CSMD1: variants seen among roughly 807,000 people sequenced by gnomAD.
The protein encoded by CSMD1 is CUB and sushi domain-containing protein 1.
CSMD1 carries 213 observed loss-of-function variants against 417.5 expected under a neutral mutation model. The observed-to-expected ratio is 0.51, with a 90% CI of 0.46 to 0.57. The LOEUF (loss-of-function observed/expected upper bound fraction) is 0.57. Among genes scored for constraint, CSMD1 ranks in the 20% least tolerant of loss-of-function variants. The pLI is 0.00. For synonymous variants in CSMD1, 2,862 were observed against 1,736.8 expected (o/e 1.65, Z -16.11); for missense variants, 6,923 against 4,529.7 (o/e 1.53, Z -15.17).
rs543879326 is a variant in CSMD1 at position 3,271,506 on chromosome 8, T to G, written c.4153+12638A>C. On this transcript the variant is annotated intron_variant, in intron 26 of 69. Coordinates refer to ENST00000635120, the MANE Select transcript of CSMD1 (RefSeq NM_033225.6). ...CTAGATCCCTGACGAATGTCCACAC[T>G]GACTTCCACAATGGTTGAACTAGTT... 1.2e-3 allele frequency among the ~76,000 whole-genome samples: 173 copies of G among 147,710 alleles called. 1 individual carries two copies. Among genetic ancestry groups the G allele is most frequent in the Non-Finnish European group, 2.0e-3 (137 of 67,040 alleles).
intron 29 of CSMD1, among the ~76,000 whole-genome samples, chr8:3,215,143 C>T (rs968885160): frequency 7.9e-5 from 12 of 152,148 alleles, no homozygotes; most frequent in African/African-American, 2.7e-4. Context: ...TTTGGCTTCT[C>T]AAAATGAAAC....
chr8:3,175,013 G>C (rs756878289), intron 37 of CSMD1, among the ~76,000 whole-genome samples: 1 of 151,984 alleles, frequency 6.6e-6, no homozygotes, highest in Non-Finnish European at 1.5e-5. Context: ...ACTTAATCAG[G>C]TATAAGTTTT....
At chr8:2,980,732 C>T (rs1048812243) in intron 54 of CSMD1, among the ~76,000 whole-genome samples, 21 of 152,280 alleles carry the variant, frequency 1.4e-4, no homozygotes, top group Non-Finnish European at 2.4e-4. Context: ...TCACTCTTGC[C>T]GTGGAAAGAG....
chr8:3,574,866 G>T, intron 10 of CSMD1, 79 bp downstream of exon 10: 1 of 1,479,522 alleles, frequency 6.8e-7, no homozygotes, highest in Non-Finnish European at 9.2e-7. Flanking sequence ...GATAGCATTT[G>T]CTGGGCTGTT....
intron 5 of CSMD1, among the ~76,000 whole-genome samples, chr8:3,989,488 C>A (rs1050053765): frequency 1.4e-4 from 21 of 152,316 alleles, no homozygotes; most frequent in African/African-American, 4.8e-4. Flanking sequence ...AACCTGGATT[C>A]TCTTCTAGCC....
At chr8:3,324,539 C>T (rs1437731862) in intron 23 of CSMD1, among the ~76,000 whole-genome samples, 4 of 151,342 alleles carry the variant, frequency 2.6e-5, no homozygotes, top group Non-Finnish European at 2.9e-5. Flanking sequence ...TTCTTCCCCC[C>T]ACCATTCGTC....
At position 4,794,605 on chromosome 8, in the gene CSMD1, G is replaced by A. The variant is rs367757957; in HGVS notation, c.86-157047C>T. ...TCTCTCACCCCTCACACGCCTCTGGGCTGCAAGGCTGATGTGCTCCATAGT... is the reference window on the plus strand; with the variant it reads ...TCTCTCACCCCTCACACGCCTCTGGACTGCAAGGCTGATGTGCTCCATAGT... On this transcript the variant is annotated intron_variant, in intron 1 of 69. Transcript: ENST00000635120. Among the ~76,000 whole-genome samples, 6 of 152,158 alleles carry A rather than the reference G, an allele frequency of 3.9e-5. 1 individual carries two copies. Among genetic ancestry groups the A allele is most frequent in the Admixed American group, 1.3e-4 (2 of 15,250 alleles).
chr8:4,012,663 G>A (rs986513953), intron 4 of CSMD1, among the ~76,000 whole-genome samples: 4 of 152,074 alleles, frequency 2.6e-5, no homozygotes, highest in Non-Finnish European at 5.9e-5. Context: ...AATGTCTCCT[G>A]AATTCCAGCT....
At chr8:3,401,766 A>G (rs906228212) in intron 15 of CSMD1, among the ~76,000 whole-genome samples, 3 of 152,160 alleles carry the variant, frequency 2.0e-5, no homozygotes, top group Admixed American at 2.0e-4. Flanking sequence ...ATTTCCTCAT[A>G]TACCTAATTG....
chr8:4,530,972 C>T (rs1032023968), intron 2 of CSMD1, among the ~76,000 whole-genome samples: 2 of 152,010 alleles, frequency 1.3e-5, no homozygotes, highest in Non-Finnish European at 2.9e-5. Context: ...CCATACCCTC[C>T]GGCACCAAGA....
intron 2 of CSMD1, among the ~76,000 whole-genome samples, chr8:4,635,331 C>T (rs564434430): frequency 6.6e-6 from 1 of 152,088 alleles, no homozygotes; most frequent in African/African-American, 2.4e-5. Context: ...TTAATATTTC[C>T]GCTGTCGATC....
At chr8:4,188,352 G>C (rs1798807086) in intron 3 of CSMD1, among the ~76,000 whole-genome samples, 1 of 152,094 alleles carries the variant, frequency 6.6e-6, no homozygotes, top group Admixed American at 6.5e-5. Context: ...TGCAAACCGA[G>C]GTGCCTTCAT....
intron 18 of CSMD1, chr8:3,373,283 T>C (rs1810089946): frequency 6.6e-6 from 1 of 152,174 alleles, no homozygotes; most frequent in African/African-American, 2.4e-5. Flanking sequence ...CTTTTTGATG[T>C]TTTCCCTCCA....
chr8:3,746,928 G>A (rs1797090437), intron 6 of CSMD1, among the ~76,000 whole-genome samples: 1 of 152,196 alleles, frequency 6.6e-6, no homozygotes, highest in African/African-American at 2.4e-5. Context: ...TGGCCTGTCA[G>A]CTTTCTGCCT....
At chr8:4,981,699 A>C (rs1374698716) in intron 1 of CSMD1, among the ~76,000 whole-genome samples, 1 of 152,132 alleles carries the variant, frequency 6.6e-6, no homozygotes. Context: ...TTAGGGGGCC[A>C]TGCGGCACCC....
intron 3 of CSMD1, among the ~76,000 whole-genome samples, chr8:4,368,807 T>C (rs1433070227): frequency 1.3e-5 from 2 of 152,286 alleles, no homozygotes; most frequent in African/African-American, 2.4e-5. Flanking sequence ...TAGGTTGTAA[T>C]GTCAGCTTTG....
chr8:4,584,072 G>A (rs531051153), intron 2 of CSMD1, among the ~76,000 whole-genome samples: 1 of 151,822 alleles, frequency 6.6e-6, no homozygotes, highest in East Asian at 1.9e-4. Context: ...TTTCACTCCT[G>A]AGCCAGCAAG....
intron 2 of CSMD1, among the ~76,000 whole-genome samples, chr8:4,623,613 T>C (rs1801904943): frequency 6.6e-6 from 1 of 152,108 alleles, no homozygotes; most frequent in Non-Finnish European, 1.5e-5. Flanking sequence ...AAACTAAATG[T>C]GGCATAGCTG....
chr8:4,170,395 G>C (rs565288752), intron 3 of CSMD1, among the ~76,000 whole-genome samples: 1 of 152,024 alleles, frequency 6.6e-6, no homozygotes, highest in South Asian at 2.1e-4. Context: ...AGAGCCACCT[G>C]TGAAAAGCAT....
Sources: allele counts gnomAD v4.1 joint callset (sites outside exome capture counted in the v4.1 genomes callset), GRCh38; gene constraint gnomAD v4.1.1; transcripts MANE v1.5; gene names NCBI Gene and HGNC (gene_info 2026-07-23, HGNC 2026-07-21).